Variants in SMCO2 observed in about 807,000 individuals in gnomAD.
The protein encoded by SMCO2 is single-pass membrane protein with coiled-coil domains 2.
In SMCO2, 25 loss-of-function variants were observed where a neutral mutation model predicts 29.5. The ratio of observed to expected loss-of-function variants is 0.85; its 90% CI spans 0.62 to 1.18. The LOEUF (loss-of-function observed/expected upper bound fraction) is 1.18, where lower values mean the gene tolerates loss of function less well. SMCO2 is among the 50% of genes most tolerant of loss of function. The probability of loss-of-function intolerance (pLI) is 0.00; values close to 1 mark genes in which losing one functional copy is unlikely to be tolerated. For synonymous variants in SMCO2, 117 were observed against 123.3 expected (o/e 0.95, Z 0.34); for missense variants, 348 against 344.5 (o/e 1.01, Z -0.08).
At chr12:27,474,485 A>G (rs928483999) in intron 3 of SMCO2, among the ~76,000 whole-genome samples, 2 of 152,138 alleles carry the variant, frequency 1.3e-5, no homozygotes, top group Admixed American at 1.3e-4. Context: ...AGAGACCAGA[A>G]CAGTCATCTA....
the SMCO2 span, among the ~76,000 whole-genome samples, chr12:27,451,655 A>G: frequency 6.6e-6 from 1 of 152,202 alleles, no homozygotes; most frequent in Non-Finnish European, 1.5e-5. Context: ...CTTTAAATGA[A>G]TATGTGCATT....
chr12:27,425,158 G>GT, the SMCO2 span: 19 of 151,786 alleles, frequency 1.3e-4, no homozygotes, highest in East Asian at 3.5e-3. Context: ...CTCTTTTCCA[G>GT]TTCACTTGTG....
At chr12:27,437,926 C>T in the SMCO2 span, among the ~76,000 whole-genome samples, 1 of 152,202 alleles carries the variant, frequency 6.6e-6, no homozygotes, top group Admixed American at 6.5e-5. Flanking sequence ...GCTCTGTTTA[C>T]TCTGATCACA....
the SMCO2 span, among the ~76,000 whole-genome samples, chr12:27,432,812 G>A: frequency 6.6e-6 from 1 of 152,190 alleles, no homozygotes. Flanking sequence ...TTGAAAAACA[G>A]TCATAGCTGC....
At chr12:27,494,935 C>A (rs1486847660) in intron 6 of SMCO2, among the ~76,000 whole-genome samples, 1 of 151,960 alleles carries the variant, frequency 6.6e-6, no homozygotes, top group Non-Finnish European at 1.5e-5. Context: ...GCTTGCCCTT[C>A]GGGTCTACAT....
At chr12:27,497,656 G>A (rs1387377876) in intron 7 of SMCO2, 1 of 154,772 alleles carries the variant, frequency 6.5e-6, no homozygotes, top group Non-Finnish European at 1.4e-5. Flanking sequence ...CCTGAGCCCA[G>A]GGAAGTCGAG....
chr12:27,481,377 A>T (rs1949642122), intron 4 of SMCO2, among the ~76,000 whole-genome samples: 1 of 152,230 alleles, frequency 6.6e-6, no homozygotes, highest in South Asian at 2.1e-4. Context: ...ACCACTAGGG[A>T]TCTCTTACCT....
At chr12:27,471,743 A>G (rs1259280645) in intron 2 of SMCO2, among the ~76,000 whole-genome samples, 1 of 152,204 alleles carries the variant, frequency 6.6e-6, no homozygotes, top group Non-Finnish European at 1.5e-5. Flanking sequence ...ATGAGATACC[A>G]GTTTAAACAT....
chr12:27,493,144 A>G (rs1942949634), intron 5 of SMCO2, among the ~76,000 whole-genome samples: 1 of 152,108 alleles, frequency 6.6e-6, no homozygotes, highest in South Asian at 2.1e-4. Flanking sequence ...GAATTTATGA[A>G]CACAAAGAAG....
At chr12:27,470,941 G>A (rs1357262151) in intron 2 of SMCO2, among the ~76,000 whole-genome samples, 176 bp downstream of exon 2, 6 of 152,024 alleles carry the variant, frequency 3.9e-5, no homozygotes, top group Admixed American at 1.3e-4. Context: ...CTTATGAGAA[G>A]CTAAAGGGGC....
intron 4 of SMCO2, among the ~76,000 whole-genome samples, chr12:27,486,148 G>A (rs1326429885): frequency 6.6e-6 from 1 of 152,172 alleles, no homozygotes; most frequent in Non-Finnish European, 1.5e-5. Context: ...CCCATTTCAA[G>A]TAGTTTTATC....
Position 27,470,784 on chromosome 12 carries a change from T to G in SMCO2, c.134+19T>G. ...TGCAGGAGTAAGTCAGAACTGAGCT[T>G]GCAGAAGCAGTTTCTAGGGTCCCAA... On this transcript the variant is annotated intron_variant, in intron 2 of 7. Coordinates refer to ENST00000298876, the Ensembl canonical transcript of SMCO2. 2.6e-6 allele frequency: 4 copies of G among 1,548,702 alleles called. No individual in the cohort carries two copies. The highest frequency in any genetic ancestry group is 3.5e-6 in the Non-Finnish European group (4 of 1,145,616).
intron 1 of SMCO2, among the ~76,000 whole-genome samples, chr12:27,470,127 T>C (rs1565673695): frequency 1.3e-5 from 2 of 152,276 alleles, no homozygotes; most frequent in Non-Finnish European, 2.9e-5. Flanking sequence ...GGGAAAAGAA[T>C]AAAACAAACA....
chr12:27,478,720 A>G (rs958760096), intron 4 of SMCO2, among the ~76,000 whole-genome samples: 7 of 152,194 alleles, frequency 4.6e-5, no homozygotes, highest in Non-Finnish European at 1.0e-4. Flanking sequence ...AACAATGTAC[A>G]TAGGCAGTGG....
intron 4 of SMCO2, chr12:27,475,628 A>G: frequency 6.4e-7 from 1 of 1,550,398 alleles, no homozygotes; most frequent in Non-Finnish European, 8.7e-7. Context: ...GAACACAAAG[A>G]TAGGTCTCCA....
the SMCO2 span, among the ~76,000 whole-genome samples, chr12:27,435,022 G>A: frequency 0.025 from 3,804 of 152,094 alleles, 166 homozygotes; most frequent in African/African-American, 0.087. Flanking sequence ...GGTAAACTGT[G>A]CTGAGAAGCT....
chr12:27,486,327 C>T (rs928818037), intron 4 of SMCO2, among the ~76,000 whole-genome samples: 1 of 152,184 alleles, frequency 6.6e-6, no homozygotes, highest in Non-Finnish European at 1.5e-5. Context: ...TCTCAACTCA[C>T]GGAGACCACC....
intron 4 of SMCO2, 91 bp downstream of exon 5, chr12:27,475,822 T>G: frequency 8.1e-7 from 1 of 1,228,734 alleles, no homozygotes; most frequent in Non-Finnish European, 1.1e-6. Flanking sequence ...GATGATAAAG[T>G]CTTTAGGCCA....
rs886554212 is a variant in SMCO2 at position 27,474,327 on chromosome 12, G to A, written c.235-459G>A. ...TCTCAATATTCTAATTTCTTTAATTGTCCCCCAAATGTCTTTTACAGCCAT... is the reference window on the plus strand; with the variant it reads ...TCTCAATATTCTAATTTCTTTAATTATCCCCCAAATGTCTTTTACAGCCAT... On this transcript the variant is annotated intron_variant, in intron 3 of 7. Transcript: ENST00000298876. Among the ~76,000 whole-genome samples the A allele has an allele frequency of 2.6e-5, 4 of 152,092 alleles. No individual in the cohort carries two copies. In the East Asian group the frequency reaches 7.7e-4, roughly 29 times the overall value.
Sources: gnomAD v4.1 joint callset for allele counts (sites outside exome capture counted in the v4.1 genomes callset) on GRCh38, gnomAD v4.1.1 for gene constraint, MANE v1.5 for transcripts, NCBI Gene and HGNC (gene_info 2026-07-23, HGNC 2026-07-21) for gene names.